TRAF5: variants seen among roughly 807,000 people sequenced by gnomAD.
The protein encoded by TRAF5 is TNF receptor-associated factor 5.
Under a neutral mutation model 64.5 loss-of-function variants are expected in TRAF5, and 48 were observed. That is an observed-to-expected ratio of 0.74 (90% CI 0.59 to 0.95). The LOEUF is 0.95. TRAF5 is among the 40% of genes least tolerant of loss of function. The probability of loss-of-function intolerance (pLI) is 0.00; values close to 1 mark genes in which losing one functional copy is unlikely to be tolerated. For missense variants in TRAF5, 545 were observed against 662.8 expected (o/e 0.82, Z 1.95); for synonymous variants, 206 against 240.5 (o/e 0.86, Z 1.33).
At chr1:211,365,534 C>A in intron 8 of TRAF5, 66 bp downstream of exon 8, 1 of 1,307,802 alleles carries the variant, frequency 7.6e-7, no homozygotes, top group Non-Finnish European at 1.1e-6. Context: ...CTGCTCTATG[C>A]TGGTATTTTT....
rs34826352 is a variant in TRAF5, at chr1:211,365,554, CCT to C, written c.789+87_789+88del. The stretch of plus-strand genomic sequence containing the variant: ...CTATGCTGGTATTTTTCTATTCTCC[CCT>C]GTTTCAGTATAAGTCAATTAGAGGT... On this transcript the variant is annotated intron_variant, in intron 8 of 10. Transcript: ENST00000261464. The C allele has an allele frequency of 1.1e-3, 1,190 of 1,095,190 alleles. 7 individuals carry two copies. The African/African-American group carries it at 0.017, about 16-fold the overall frequency. The allele number at this position is 1,095,190 out of a possible 1,614,324, so 67.8% of individuals were successfully genotyped here.
At chr1:211,349,669 A>G (rs1702723092) in intron 1 of TRAF5, among the ~76,000 whole-genome samples, 1 of 152,234 alleles carries the variant, frequency 6.6e-6, no homozygotes, top group Non-Finnish European at 1.5e-5. Flanking sequence ...CTACTGTTGT[A>G]GCAAAAGATG....
chr1:211,370,402 CA>C (rs1366755825), intron 9 of TRAF5, among the ~76,000 whole-genome samples: 49 of 151,964 alleles, frequency 3.2e-4, no homozygotes, highest in Middle Eastern at 3.4e-3. Flanking sequence ...CACACACACA[CA>C]CACACACACC....
chr1:211,351,660 G>T (rs1443981538), intron 1 of TRAF5, among the ~76,000 whole-genome samples: 2 of 152,052 alleles, frequency 1.3e-5, no homozygotes, highest in African/African-American at 4.8e-5. Flanking sequence ...TCAGGTCTGT[G>T]TCTAGCTTCG....
At chr1:211,358,813 A>ATAT (rs1703072657) in intron 4 of TRAF5, 2 of 147,616 alleles carry the variant, frequency 1.4e-5, no homozygotes, top group African/African-American at 2.5e-5. Flanking sequence ...ATATATAGTT[A>ATAT]TATATTACAT....
intron 6 of TRAF5, 98 bp from the exon 7 acceptor site, chr1:211,360,990 G>T: frequency 8.0e-7 from 1 of 1,253,740 alleles, no homozygotes; most frequent in Non-Finnish European, 1.2e-6. Flanking sequence ...TCCTTCTCCT[G>T]GTCCTTGCCT....
chr1:211,371,471 G>T lies in TRAF5; in HGVS notation c.1099+1G>T. ...CTAGAAAACAATGATCAAAGATTAG[G>T]TATGTCTGATATTTTATTTCTCTTT... On this transcript the variant is annotated splice_donor_variant, in intron 10 of 10. Coordinates refer to ENST00000261464, the MANE Select transcript of TRAF5 (RefSeq NM_001033910.3). LOFTEE classifies it high-confidence loss of function. 1.2e-6 allele frequency: 2 copies of T among 1,604,916 alleles called. No homozygotes were observed. The highest frequency in any genetic ancestry group is 1.7e-6 in the Non-Finnish European group (2 of 1,178,060).
chr1:211,363,305 T>C lies in TRAF5; in HGVS notation c.697-2071T>C, dbSNP rs570928776. Among the ~76,000 whole-genome samples the C allele has an allele frequency of 1.6e-4, 24 of 152,276 alleles. No homozygotes were observed. The East Asian group carries it at 4.6e-3, about 29-fold the overall frequency. On this transcript the variant is annotated intron_variant, in intron 7 of 10. Coordinates refer to ENST00000261464, the MANE Select transcript of TRAF5 (RefSeq NM_001033910.3). ...GCAAAAAAACCCCACAACCCAAAGCTAAAAACAACCTGTAAGTCTATCATT... is the reference window on the plus strand; with the variant it reads ...GCAAAAAAACCCCACAACCCAAAGCCAAAAACAACCTGTAAGTCTATCATT...
chr1:211,365,300 TAGC>T, intron 7 of TRAF5, 73 bp from the exon 8 acceptor site: 9 of 1,224,116 alleles, frequency 7.4e-6, no homozygotes, highest in Non-Finnish European at 1.0e-5. Context: ...GATTCTATTT[TAGC>T]AGAATATCCT....
chr1:211,354,549 G>A, intron 3 of TRAF5, 82 bp downstream of exon 3: 1 of 1,450,274 alleles, frequency 6.9e-7, no homozygotes, highest in South Asian at 1.2e-5. Context: ...GATAGGAGCA[G>A]GAGAGTGGTC....
chr1:211,361,692 GTTTTTT>G (rs71134676), intron 7 of TRAF5, among the ~76,000 whole-genome samples: 2 of 75,314 alleles, frequency 2.7e-5, no homozygotes, highest in Non-Finnish European at 4.8e-5. Context: ...AATTATTCGG[GTTTTTT>G]TTTTTTTTTT....
At chr1:211,336,986 C>A (rs1044655671) in intron 1 of TRAF5, among the ~76,000 whole-genome samples, 7 of 152,116 alleles carry the variant, frequency 4.6e-5, no homozygotes, top group Admixed American at 2.0e-4. Context: ...CTCGCCTCGG[C>A]CTTCCAAAGT....
intron 5 of TRAF5, chr1:211,360,457 C>A (rs1224395696): frequency 3.9e-6 from 2 of 507,222 alleles, no homozygotes; most frequent in Non-Finnish European, 6.9e-6. Context: ...CTGGCAGTTC[C>A]CCAATCTACC....
In TRAF5 at chr1:211,372,534, C is replaced by T. The variant is rs756228568; in HGVS notation, c.1506C>T (p.Asp502=). ...ACATTATGGAGACCTTCAAACCTGA[C>T]CCCAATAGCAGCAGCTTTAAAAGAC... The part of the protein sequence containing the change: ...KKNIMETFKP[D]PNSSSFKRPD... Residue 502 remains aspartate (D), a synonymous_variant, in exon 11 of 11, where the codon GAC becomes GAT. Transcript: ENST00000261464. The T allele has an allele frequency of 8.5e-5, 138 of 1,614,074 alleles. No homozygotes were observed. The highest frequency in any genetic ancestry group is 1.1e-4 in the Non-Finnish European group (134 of 1,180,038).
At chr1:211,344,262 A>G (rs985355214) in intron 1 of TRAF5, among the ~76,000 whole-genome samples, 1 of 152,224 alleles carries the variant, frequency 6.6e-6, no homozygotes, top group Non-Finnish European at 1.5e-5. Context: ...CGCCAGGAGA[A>G]TGGGGAACCA....
At chr1:211,326,826 C>CGCAGCCAGGAGCA (rs1280628910), upstream of TRAF5, 5 of 984,372 alleles carry the variant, frequency 5.1e-6, no homozygotes, top group East Asian at 5.7e-4. The surrounding 1 kb of genome is among the most constrained non-coding windows in gnomAD (Gnocchi z 5.0). Flanking sequence ...CGCCGCCGGC[C>CGCAGCCAGGAGCA]GCAGCCAGGA....
chr1:211,346,772 T>C (rs1702619529), intron 1 of TRAF5, among the ~76,000 whole-genome samples: 1 of 152,234 alleles, frequency 6.6e-6, no homozygotes, highest in Non-Finnish European at 1.5e-5. Flanking sequence ...ATTTGTCATA[T>C]GTTCTCCAGA....
In TRAF5 at chr1:211,369,738, C is replaced by T. The variant is rs1244290655; in HGVS notation, c.930+146C>T. The T allele has an allele frequency of 3.2e-6, 3 of 948,844 alleles. 1 individual carries two copies. The highest frequency in any genetic ancestry group is 4.2e-5 in the South Asian group (2 of 48,134). The allele number at this position is 948,844 out of a possible 1,614,324, so 58.8% of individuals were successfully genotyped here. On this transcript the variant is annotated intron_variant, in intron 9 of 10. Coordinates refer to ENST00000261464, the MANE Select transcript of TRAF5 (RefSeq NM_001033910.3). ...GGTGCAAAGAACACTTGTATAACCT[C>T]CACCCTGATTCACTCATGGCCAACA...
At chr1:211,360,858 T>A in intron 6 of TRAF5, 79 bp downstream of exon 6, 1 of 1,360,630 alleles carries the variant, frequency 7.3e-7, no homozygotes, top group Non-Finnish European at 1.0e-6. Context: ...TTTGATACAG[T>A]CCCAAAGATA....
Sources: gnomAD v4.1 joint callset for allele counts (sites outside exome capture counted in the v4.1 genomes callset) on GRCh38, gnomAD v4.1.1 for gene constraint, Gnocchi (gnomAD v3.1) non-coding constraint, MANE v1.5 for transcripts, NCBI Gene and HGNC (gene_info 2026-07-23, HGNC 2026-07-21) for gene names.